DSCAML1: variants seen among roughly 807,000 people sequenced by gnomAD.
The protein encoded by DSCAML1 is DS cell adhesion molecule like 1.
Under a neutral mutation model 200.5 loss-of-function variants are expected in DSCAML1, and 38 were observed. That is an observed-to-expected ratio of 0.19 (90% CI 0.15 to 0.25). The LOEUF is 0.25. DSCAML1 is among the 10% of genes least tolerant of loss of function. The pLI, the probability that DSCAML1 is intolerant of heterozygous loss-of-function variation, is 1.00. For missense variants in DSCAML1, 2,223 were observed against 2,858.8 expected (o/e 0.78, Z 5.07); for synonymous variants, 1,215 against 1,165.0 (o/e 1.04, Z -0.87).
At chr11:117,653,730 T>G (rs2052678693) in intron 3 of DSCAML1, among the ~76,000 whole-genome samples, 1 of 152,058 alleles carries the variant, frequency 6.6e-6, no homozygotes, top group Non-Finnish European at 1.5e-5. Flanking sequence ...AATGAAAACA[T>G]ACATCCAAGA....
rs56765238 is a variant in DSCAML1, at chr11:117,515,610, C to CTTTTTTTTTTTTTTTTTTT, written c.1783+838_1783+856dup. 1.2e-3 allele frequency among the ~76,000 whole-genome samples: 75 copies of CTTTTTTTTTTTTTTTTTTT among 65,138 alleles called. 11 individuals carry two copies. Among genetic ancestry groups the CTTTTTTTTTTTTTTTTTTT allele is most frequent in the Admixed American group, 1.7e-3 (9 of 5,320 alleles). 42.7% of individuals were successfully genotyped at this position (65,138 alleles called of 152,430 possible). ...TGTCAAGGGCCCAGGAGGGACGAAGCTTTTTTTTTTTTTTTTTTTTTTTTT... is the reference window on the plus strand; with the variant it reads ...TGTCAAGGGCCCAGGAGGGACGAAGCTTTTTTTTTTTTTTTTTTTTTTTTTTTTTTTTTTTTTTTTTTTT... On this transcript the variant is annotated intron_variant, in intron 8 of 32. Transcript: ENST00000651296.
chr11:117,504,353 G>A lies in DSCAML1; in HGVS notation c.2183-332C>T, dbSNP rs1391101969. 6.6e-6 allele frequency among the ~76,000 whole-genome samples: 1 copy of A among 152,230 alleles called. No homozygotes were observed. Among genetic ancestry groups the A allele is most frequent in the East Asian group, 1.9e-4 (1 of 5,196 alleles). On this transcript the variant is annotated intron_variant, in intron 10 of 32. Coordinates refer to ENST00000651296, the MANE Select transcript of DSCAML1 (RefSeq NM_020693.4). This position sits in a 1 kb window ranked among gnomAD's most constrained non-coding sequence, Gnocchi z 5.0. ...GTGTTTGGCCAGTTGGCTGCAGGTG[G>A]AGAGAAGATTGAGCCTTCAAATGGC...
chr11:117,456,209 G>A lies in DSCAML1; in HGVS notation c.3568+2545C>T, dbSNP rs377019113. On this transcript the variant is annotated intron_variant, in intron 19 of 32. Transcript: ENST00000651296. ...CTTGCCTGGTGTGATGCCTAGGGCT[G>A]CAGCCATCTTGAAATCATAGCAGGG... is the stretch of plus-strand genomic sequence containing the variant. 2.6e-5 allele frequency among the ~76,000 whole-genome samples: 4 copies of A among 152,342 alleles called. No homozygotes were observed. The East Asian group carries it at 5.8e-4, about 22-fold the overall frequency.
At position 117,478,633 on chromosome 11, in the gene DSCAML1, C is replaced by T. The variant is rs116346804; in HGVS notation, c.2785+1810G>A. ...TCCCCAGCAAAGTGAAAGCTCAGCC[C>T]GGACGCCTCCCTCCCAACCTGGTCC... is the stretch of plus-strand genomic sequence containing the variant. On this transcript the variant is annotated intron_variant, in intron 14 of 32. Coordinates refer to ENST00000651296, the MANE Select transcript of DSCAML1 (RefSeq NM_020693.4). Among the ~76,000 whole-genome samples, 434 of 152,340 alleles carry T rather than the reference C, an allele frequency of 2.8e-3. 2 individuals carry two copies. The highest frequency in any genetic ancestry group is 9.0e-3 in the African/African-American group (376 of 41,582).
chr11:117,479,582 T>C (rs1247018933), intron 14 of DSCAML1, among the ~76,000 whole-genome samples: 1 of 152,138 alleles, frequency 6.6e-6, no homozygotes, highest in African/African-American at 2.4e-5. Context: ...CGCCCCACAG[T>C]GCCTCACAGT....
Position 117,649,041 on chromosome 11 carries a change from A to ATATGTG in DSCAML1, c.512-116520_512-116519insCACATA, listed in dbSNP as rs768621807. On this transcript the variant is annotated intron_variant, in intron 3 of 32. Coordinates refer to ENST00000651296, the MANE Select transcript of DSCAML1 (RefSeq NM_020693.4). ...TCTCGCTCTCTCTCTCTCCATATAT[A>ATATGTG]TGTGTGTGTGTGTGTGTGTGTGTGT... Among the ~76,000 whole-genome samples, 558 of 137,922 alleles carry ATATGTG rather than the reference A, an allele frequency of 4.0e-3. 6 individuals are homozygous for ATATGTG. Among genetic ancestry groups the ATATGTG allele is most frequent in the African/African-American group, 0.013 (441 of 34,970 alleles). 90.5% of individuals were successfully genotyped at this position (137,922 alleles called of 152,430 possible).
intron 3 of DSCAML1, among the ~76,000 whole-genome samples, chr11:117,560,889 G>A (rs2050649634): frequency 6.6e-6 from 1 of 152,164 alleles, no homozygotes; most frequent in South Asian, 2.1e-4. Flanking sequence ...GCAGTAACAG[G>A]AAATGTCTAA....
chr11:117,571,403 C>G (rs1452641799), intron 3 of DSCAML1, among the ~76,000 whole-genome samples: 1 of 152,204 alleles, frequency 6.6e-6, no homozygotes, highest in African/African-American at 2.4e-5. Context: ...AGATCGTGGA[C>G]TGAGTGAGTG....
chr11:117,665,940 GCA>G (rs1189994910), intron 3 of DSCAML1, among the ~76,000 whole-genome samples: 1 of 152,212 alleles, frequency 6.6e-6, no homozygotes, highest in African/African-American at 2.4e-5. Flanking sequence ...TTTTGCAAAG[GCA>G]CACACAACAC....
rs192973952 is a variant in DSCAML1 at position 117,793,041 on chromosome 11, C to G, written c.46+3993G>C. Among the ~76,000 whole-genome samples, 618 of 152,338 alleles carry G rather than the reference C, an allele frequency of 4.1e-3. 4 individuals carry two copies. The highest frequency in any genetic ancestry group is 0.014 in the African/African-American group (576 of 41,580). On this transcript the variant is annotated intron_variant, in intron 1 of 32. Coordinates refer to ENST00000651296, the MANE Select transcript of DSCAML1 (RefSeq NM_020693.4). ...CTTCTCCCAGCTCCTTCCCCACCCCCTTCCATGCAAGGAGGAAGCCAATGA... is the reference window on the plus strand; with the variant it reads ...CTTCTCCCAGCTCCTTCCCCACCCCGTTCCATGCAAGGAGGAAGCCAATGA...
At chr11:117,771,124 C>A (rs1486175616) in intron 3 of DSCAML1, among the ~76,000 whole-genome samples, 1 of 152,196 alleles carries the variant, frequency 6.6e-6, no homozygotes, top group Non-Finnish European at 1.5e-5. Flanking sequence ...GTTTCCAGCA[C>A]CGGCACCACC....
intron 13 of DSCAML1, among the ~76,000 whole-genome samples, 156 bp downstream of exon 13, chr11:117,481,018 G>A (rs1393404644): frequency 6.6e-6 from 1 of 152,216 alleles, no homozygotes; most frequent in African/African-American, 2.4e-5. Context: ...ACTCTGGGCA[G>A]GAGGGCAGGT....
At chr11:117,633,661 T>A (rs2052220550) in intron 3 of DSCAML1, among the ~76,000 whole-genome samples, 2 of 152,208 alleles carry the variant, frequency 1.3e-5, no homozygotes, top group African/African-American at 2.4e-5. Context: ...TCAAATCAAA[T>A]TTTTCACAAA....
intron 7 of DSCAML1, among the ~76,000 whole-genome samples, chr11:117,517,335 C>T (rs570363225): frequency 6.4e-4 from 98 of 152,200 alleles, no homozygotes; most frequent in African/African-American, 2.3e-3. Flanking sequence ...AGAGAGTGTC[C>T]TGGGCTAGGC....
intron 3 of DSCAML1, among the ~76,000 whole-genome samples, chr11:117,629,151 TA>T (rs1328138717): frequency 2.0e-5 from 3 of 151,060 alleles, no homozygotes; most frequent in East Asian, 1.9e-4. Flanking sequence ...ATCCAGGGAT[TA>T]AAAAAAAAGA....
intron 3 of DSCAML1, among the ~76,000 whole-genome samples, chr11:117,720,188 T>C (rs1358123701): frequency 6.6e-6 from 1 of 152,098 alleles, no homozygotes; most frequent in Non-Finnish European, 1.5e-5. Context: ...AGCCCACTCA[T>C]AATGACACCC....
chr11:117,576,628 C>G (rs887039719), intron 3 of DSCAML1, among the ~76,000 whole-genome samples: 2 of 152,200 alleles, frequency 1.3e-5, no homozygotes, highest in Non-Finnish European at 2.9e-5. Context: ...GGACATGTCC[C>G]TGGCCCTGCC....
chr11:117,808,687 T>C (rs181011487), intron 1 of DSCAML1, among the ~76,000 whole-genome samples: 3 of 152,294 alleles, frequency 2.0e-5, no homozygotes, highest in Non-Finnish European at 4.4e-5. Context: ...ACTATCCACT[T>C]AAGCTTGTCA....
At chr11:117,670,764 C>T (rs1189818769) in intron 3 of DSCAML1, among the ~76,000 whole-genome samples, 1 of 152,140 alleles carries the variant, frequency 6.6e-6, no homozygotes, top group African/African-American at 2.4e-5. Context: ...GGTTTCTATA[C>T]ACCCTTGACT....
Sources: gnomAD v4.1 joint callset for allele counts (sites outside exome capture counted in the v4.1 genomes callset) on GRCh38, gnomAD v4.1.1 for gene constraint, Gnocchi (gnomAD v3.1) non-coding constraint, MANE v1.5 for transcripts, NCBI Gene and HGNC (gene_info 2026-07-23, HGNC 2026-07-21) for gene names.